The following RELN variants were observed in gnomAD, a reference collection of about 807,000 sequenced individuals.
RELN encodes the protein reelin.
RELN carries 108 observed loss-of-function variants against 427.6 expected under a neutral mutation model. That is an observed-to-expected ratio of 0.25 (90% confidence interval 0.22 to 0.30). The LOEUF (loss-of-function observed/expected upper bound fraction) is 0.30. Among genes scored for constraint, RELN ranks in the 10% least tolerant of loss-of-function variants. The pLI, the probability that RELN is intolerant of heterozygous loss-of-function variation, is 1.00. For missense variants in RELN, 3,715 were observed against 4,302.8 expected (o/e 0.86, Z 3.82); for synonymous variants, 1,524 against 1,513.4 (o/e 1.01, Z -0.16).
chr7:103,629,570 C>T (rs1832405424), intron 20 of RELN, among the ~76,000 whole-genome samples: 1 of 151,816 alleles, frequency 6.6e-6, no homozygotes, highest in Non-Finnish European at 1.5e-5. Context: ...CATTATAAAC[C>T]CCATGGGCCT....
chr7:103,562,063 G>T, intron 34 of RELN, 110 bp from the exon 35 acceptor site: 1 of 1,285,410 alleles, frequency 7.8e-7, no homozygotes, highest in African/African-American at 1.5e-5. Context: ...CTTCCTCCAG[G>T]GTCCAGTTCT....
In RELN at chr7:103,523,417, A is replaced by G. The variant is rs1481447884; in HGVS notation, c.7464T>C (p.His2488=). ...CGCAGTTTCCCTGGATGCATCTCCC[A>G]TGGCCACTGCACATGTCTATGCAGC... ...GDGCIDMCSG[H]GRCIQGNCVC... Residue 2488 remains histidine, a synonymous_variant, in exon 47 of 65, where the codon CAT becomes CAC. Coordinates refer to ENST00000428762, the MANE Select transcript of RELN (RefSeq NM_005045.4). The G allele has an allele frequency of 2.5e-6, 4 of 1,614,080 alleles. No homozygotes were observed. Among genetic ancestry groups the G allele is most frequent in the African/African-American group, 2.7e-5 (2 of 74,932 alleles).
rs362692 is a variant in RELN, at chr7:103,610,936, T to C, written c.2896-129A>G. On this transcript the variant is annotated intron_variant, in intron 21 of 64. Transcript: ENST00000428762. ...GTCATAATCTTAACTATTTGTGATA[T>C]GGAAACAATCCATGATTTTTCTTTC... 4.1e-3 allele frequency: 2,833 copies of C among 697,112 alleles called. 51 individuals are homozygous for C. In the African/African-American group the frequency reaches 0.041, roughly 10 times the overall value. 43.2% of individuals were successfully genotyped at this position (697,112 alleles called of 1,614,324 possible). A position where few individuals can be genotyped will look rare whatever the true frequency, so the allele number is the denominator to read the frequency against.
intron 3 of RELN, among the ~76,000 whole-genome samples, chr7:103,780,290 C>T (rs1377435693): frequency 6.6e-6 from 1 of 152,190 alleles, no homozygotes; most frequent in African/African-American, 2.4e-5. Context: ...AGACAAGATA[C>T]ATTAAATGCT....
intron 45 of RELN, among the ~76,000 whole-genome samples, chr7:103,537,539 G>A (rs958068121): frequency 2.7e-4 from 41 of 152,178 alleles, no homozygotes; most frequent in African/African-American, 9.9e-4. Flanking sequence ...TTCTCAGGAG[G>A]CTGCACCAGC....
intron 51 of RELN, among the ~76,000 whole-genome samples, chr7:103,507,973 G>C (rs559777192): frequency 7.7e-4 from 117 of 152,276 alleles, no homozygotes; most frequent in African/African-American, 2.5e-3. Flanking sequence ...ACCCTCCCAA[G>C]ACTAAGCCAG....
At chr7:103,628,487 T>G (rs1421606824) in intron 20 of RELN, 7 of 152,234 alleles carry the variant, frequency 4.6e-5, no homozygotes, top group Non-Finnish European at 1.5e-5. Context: ...TGACAGTGCT[T>G]GCAGCAAAAG....
At chr7:103,592,921 ATGACTCACTTCCTTGTTTACAGACCTG>A (rs1831453588) in intron 27 of RELN, among the ~76,000 whole-genome samples, 1 of 152,218 alleles carries the variant, frequency 6.6e-6, no homozygotes, top group Non-Finnish European at 1.5e-5. Flanking sequence ...CATATTATTT[ATGACTCACTTCCTTGTTTACAGACCTG>A]TGGAAATTGT....
intron 6 of RELN, among the ~76,000 whole-genome samples, chr7:103,738,167 T>C (rs1790541325): frequency 6.6e-6 from 1 of 150,792 alleles, no homozygotes. Flanking sequence ...CACTAGAACA[T>C]CAGAGCCTGG....
chr7:103,691,669 C>T (rs1584411038), intron 10 of RELN, among the ~76,000 whole-genome samples: 1 of 151,872 alleles, frequency 6.6e-6, no homozygotes, highest in African/African-American at 2.4e-5. Flanking sequence ...AAAACTTAGC[C>T]GGGTGTGGTG....
At chr7:103,678,256 A>G (rs10273677) in intron 11 of RELN, among the ~76,000 whole-genome samples, 2,875 of 152,306 alleles carry the variant, frequency 0.019, 109 homozygotes, top group African/African-American at 0.066. Flanking sequence ...ATGTTCTACA[A>G]AGCTACCTTC....
In RELN at chr7:103,761,147, A is replaced by G. The variant is rs1206522882; in HGVS notation, c.545-7933T>C. Reference sequence around the variant, plus strand: ...ACCTCAACTTGATTTATGTCTCAAAACAATTTATCATCTTTCATATTCTAA... The same window carrying G: ...ACCTCAACTTGATTTATGTCTCAAAGCAATTTATCATCTTTCATATTCTAA... On this transcript the variant is annotated intron_variant, in intron 4 of 64. Coordinates refer to ENST00000428762, the MANE Select transcript of RELN (RefSeq NM_005045.4). Among the ~76,000 whole-genome samples the G allele has an allele frequency of 5.3e-5, 8 of 152,328 alleles. No individual in the cohort carries two copies. The East Asian group carries it at 1.5e-3, about 29-fold the overall frequency.
In RELN at chr7:103,589,786, C is replaced by A; in HGVS notation, c.3955G>T (p.Val1319Phe). Residue 1319 changes from valine (V) to phenylalanine (F), a missense_variant, in exon 28 of 65, where the codon GTT becomes TTT. Val to Phe is a conservative substitution (Grantham distance 50, BLOSUM62 -1). Coordinates refer to ENST00000428762, the MANE Select transcript of RELN (RefSeq NM_005045.4). ...CANQFSSTAP[V>F]LLQYSHDAGM... is the part of the protein sequence containing the mutation. ...GCATCATGAGAGTACTGAAGAAGAA[C>A]TGGAGCAGTACTGCTGAATTGATTG... The A allele has an allele frequency of 6.2e-7, 1 of 1,613,198 alleles. No individual in the cohort carries two copies. Among genetic ancestry groups the A allele is most frequent in the Non-Finnish European group, 8.5e-7 (1 of 1,179,186 alleles).
At chr7:103,519,240 T>A in intron 49 of RELN, 83 bp downstream of exon 49, 1 of 1,034,894 alleles carries the variant, frequency 9.7e-7, no homozygotes, top group Non-Finnish European at 1.5e-6. Context: ...AAGTCTGAGG[T>A]CCCCCTCAGT....
At chr7:103,643,508 T>C (rs906896483) in intron 16 of RELN, among the ~76,000 whole-genome samples, 10 of 151,978 alleles carry the variant, frequency 6.6e-5, no homozygotes, top group African/African-American at 2.4e-4. Context: ...ACTCTCAGCT[T>C]CCATGGTCTT....
intron 24 of RELN, among the ~76,000 whole-genome samples, chr7:103,596,904 G>C (rs1461432509): frequency 1.9e-4 from 29 of 152,102 alleles, no homozygotes; most frequent in Non-Finnish European, 4.4e-5. Flanking sequence ...AGAGACCCTT[G>C]GGAATTGCTA....
intron 3 of RELN, among the ~76,000 whole-genome samples, chr7:103,809,757 T>G (rs1792691130): frequency 6.6e-6 from 1 of 152,148 alleles, no homozygotes; most frequent in Non-Finnish European, 1.5e-5. Flanking sequence ...TTGTAGAAAG[T>G]TAATAGATAA....
At chr7:103,531,901 A>G (rs940758645) in intron 46 of RELN, among the ~76,000 whole-genome samples, 1 of 152,206 alleles carries the variant, frequency 6.6e-6, no homozygotes, top group African/African-American at 2.4e-5. Context: ...TTCCTCAAAG[A>G]CCTAGAGGCA....
At chr7:103,748,475 C>T (rs930057509) in intron 6 of RELN, among the ~76,000 whole-genome samples, 2 of 152,154 alleles carry the variant, frequency 1.3e-5, no homozygotes, top group South Asian at 2.1e-4. Context: ...AACTCCTCTT[C>T]GGAACACATT....
Sources: allele counts gnomAD v4.1 joint callset (sites outside exome capture counted in the v4.1 genomes callset), GRCh38; gene constraint gnomAD v4.1.1; transcripts MANE v1.5; gene names NCBI Gene and HGNC (gene_info 2026-07-23, HGNC 2026-07-21).